The following CDH10 variants were observed in gnomAD, a reference collection of about 807,000 sequenced individuals.
CDH10 encodes the protein cadherin-10.
CDH10 carries 30 observed loss-of-function variants against 73.1 expected under a neutral mutation model. That is an observed-to-expected ratio of 0.41 (90% confidence interval 0.31 to 0.56). CDH10 has a LOEUF of 0.56. Ranked by LOEUF, CDH10 falls within the 20% of genes least tolerant of loss-of-function variation. CDH10 has a pLI of 0.27. For synonymous variants in CDH10, 345 were observed against 348.2 expected, an observed-to-expected ratio of 0.99 and a Z score of 0.10; for missense variants, 815 against 973.7, an observed-to-expected ratio of 0.84 and a Z score of 2.17.
At chr5:24,556,992 C>T (rs915813654) in intron 2 of CDH10, among the ~76,000 whole-genome samples, 5 of 151,364 alleles carry the variant, frequency 3.3e-5, no homozygotes, top group Non-Finnish European at 7.4e-5. Flanking sequence ...TAAAAAAGTA[C>T]AGAAAGAAAA....
chr5:24,555,464 C>A (rs1744732952), intron 2 of CDH10, among the ~76,000 whole-genome samples: 1 of 152,106 alleles, frequency 6.6e-6, no homozygotes, highest in African/African-American at 2.4e-5. Context: ...CAGATGTAGA[C>A]ATTAATTACT....
At chr5:24,490,563 A>G (rs1048294862) in intron 11 of CDH10, among the ~76,000 whole-genome samples, 4 of 152,158 alleles carry the variant, frequency 2.6e-5, no homozygotes, top group Admixed American at 2.0e-4. Context: ...ACACACAGTG[A>G]AAGTGCATAA....
chr5:24,560,197 C>T (rs1744906103), intron 2 of CDH10, among the ~76,000 whole-genome samples: 1 of 126,102 alleles, frequency 7.9e-6, no homozygotes, highest in African/African-American at 3.0e-5. Flanking sequence ...GAAATATTTG[C>T]AATTGTGTGT....
At chr5:24,609,140 A>C (rs1746858505) in intron 1 of CDH10, among the ~76,000 whole-genome samples, 1 of 152,228 alleles carries the variant, frequency 6.6e-6, no homozygotes, top group African/African-American at 2.4e-5. Flanking sequence ...ACTAAGAATA[A>C]AATGTAGGAG....
At chr5:24,613,615 T>G (rs192197118) in intron 1 of CDH10, among the ~76,000 whole-genome samples, 1 of 149,158 alleles carries the variant, frequency 6.7e-6, no homozygotes, top group East Asian at 2.0e-4. Flanking sequence ...TGGAGAAGAG[T>G]CTCAGAAGTA....
chr5:24,556,611 T>C (rs1744778336), intron 2 of CDH10, among the ~76,000 whole-genome samples: 2 of 151,736 alleles, frequency 1.3e-5, no homozygotes, highest in South Asian at 4.2e-4. Flanking sequence ...AAAAATACCC[T>C]AAAAGTGTTA....
At chr5:24,535,914 T>C (rs1443793007) in intron 3 of CDH10, 92 bp from the exon 4 acceptor site, 1 of 876,142 alleles carries the variant, frequency 1.1e-6, no homozygotes, top group East Asian at 2.6e-5. Flanking sequence ...GATTTCTGGC[T>C]TTAATCATGA....
intron 1 of CDH10, among the ~76,000 whole-genome samples, chr5:24,594,320 C>T (rs1428969511): frequency 6.6e-6 from 1 of 151,902 alleles, no homozygotes; most frequent in Non-Finnish European, 1.5e-5. Context: ...CTCCACTATA[C>T]CCCAGGCTGA....
chr5:24,628,438 G>A (rs1747583054), intron 1 of CDH10, among the ~76,000 whole-genome samples: 1 of 152,106 alleles, frequency 6.6e-6, no homozygotes, highest in African/African-American at 2.4e-5. Flanking sequence ...GAGCACATAT[G>A]AGAAAAATGC....
At chr5:24,636,257 C>T (rs1226095725) in intron 1 of CDH10, among the ~76,000 whole-genome samples, 1 of 151,930 alleles carries the variant, frequency 6.6e-6, no homozygotes. Flanking sequence ...CTACCAGTGA[C>T]ATTAAATATG....
rs1742339750 is a variant in CDH10 at position 24,497,603 on chromosome 5, T to G, written c.1515+795A>C. The stretch of plus-strand genomic sequence containing the variant: ...TTTGCATAAAAATGTAACAATGACA[T>G]TGATGTTTATAAAGAGTATCAAATA... On this transcript the variant is annotated intron_variant, in intron 9 of 11. Coordinates refer to ENST00000264463, the MANE Select transcript of CDH10 (RefSeq NM_006727.5). Among the ~76,000 whole-genome samples the G allele has an allele frequency of 3.3e-5, 5 of 152,200 alleles. No individual in the cohort carries two copies. In the South Asian group the frequency reaches 1.0e-3, roughly 31 times the overall value.
At chr5:24,604,890 A>AAAC (rs1746700978) in intron 1 of CDH10, among the ~76,000 whole-genome samples, 5 of 144,072 alleles carry the variant, frequency 3.5e-5, no homozygotes, top group African/African-American at 1.4e-4. Context: ...AAAAAAAAAA[A>AAAC]AAAAACAAAA....
intron 7 of CDH10, 92 bp downstream of exon 7, chr5:24,509,474 C>T (rs1299935363): frequency 1.3e-5 from 15 of 1,120,158 alleles, no homozygotes; most frequent in South Asian, 8.8e-5. Flanking sequence ...CTCCTGACCT[C>T]GTGATCCACC....
intron 5 of CDH10, among the ~76,000 whole-genome samples, chr5:24,534,590 G>A (rs746086225): frequency 6.6e-6 from 1 of 152,034 alleles, no homozygotes; most frequent in Non-Finnish European, 1.5e-5. Context: ...TTATACTAAG[G>A]TTGTCACTCC....
intron 1 of CDH10, among the ~76,000 whole-genome samples, chr5:24,625,815 A>C (rs920249492): frequency 6.6e-6 from 1 of 151,746 alleles, no homozygotes; most frequent in South Asian, 2.1e-4. Flanking sequence ...AAAATTCATT[A>C]CATTTTTAAG....
chr5:24,500,694 T>C (rs1742460541), intron 8 of CDH10, among the ~76,000 whole-genome samples: 1 of 152,232 alleles, frequency 6.6e-6, no homozygotes, highest in African/African-American at 2.4e-5. Flanking sequence ...TGCGTGAAAA[T>C]TTCTTATGAA....
At chr5:24,550,653 A>G (rs547806456) in intron 2 of CDH10, among the ~76,000 whole-genome samples, 3 of 152,192 alleles carry the variant, frequency 2.0e-5, no homozygotes, top group African/African-American at 7.2e-5. Context: ...TATTTTTACA[A>G]TTTGGGTAAG....
At chr5:24,503,408 G>T (rs1264290475) in intron 8 of CDH10, among the ~76,000 whole-genome samples, 1 of 152,180 alleles carries the variant, frequency 6.6e-6, no homozygotes, top group Non-Finnish European at 1.5e-5. Context: ...TGCTGGCAGG[G>T]CTGGCTTCAT....
At chr5:24,618,647 C>A (rs561253465) in intron 1 of CDH10, among the ~76,000 whole-genome samples, 14 of 152,204 alleles carry the variant, frequency 9.2e-5, no homozygotes, top group Admixed American at 9.2e-4. Context: ...CAGTAACTGG[C>A]GCTGGTCACT....
Sources: allele counts gnomAD v4.1 joint callset (sites outside exome capture counted in the v4.1 genomes callset), GRCh38; gene constraint gnomAD v4.1.1; transcripts MANE v1.5; gene names NCBI Gene and HGNC (gene_info 2026-07-23, HGNC 2026-07-21).